TAS2R1: variants seen among roughly 807,000 people sequenced by gnomAD.
TAS2R1 encodes the protein taste receptor type 2 member 1.
For missense variants in TAS2R1, 370 were observed against 353.4 expected, an observed-to-expected ratio of 1.05 and a Z score of -0.38; for synonymous variants, 141 against 134.2, an observed-to-expected ratio of 1.05 and a Z score of -0.35.
chr5:9,695,665 G>C (rs1304842080), intron 1 of TAS2R1, among the ~76,000 whole-genome samples: 1 of 152,116 alleles, frequency 6.6e-6, no homozygotes, highest in East Asian at 1.9e-4. Context: ...CTCTACCCCT[G>C]AGGATGGCCT....
upstream of TAS2R1, among the ~76,000 whole-genome samples, chr5:9,716,305 G>A (rs1317176605): frequency 6.6e-6 from 1 of 152,138 alleles, no homozygotes; most frequent in Admixed American, 6.5e-5. Context: ...AAGCCAGCTA[G>A]CAGGACTCTG....
At chr5:9,639,637 G>A (rs1740032932) in intron 2 of TAS2R1, among the ~76,000 whole-genome samples, 1 of 152,204 alleles carries the variant, frequency 6.6e-6, no homozygotes, top group African/African-American at 2.4e-5. Context: ...GCCGTTCTCT[G>A]CCATCTTCCC....
rs139616873 is a variant in TAS2R1, at chr5:9,649,258, TTTC to T, written c.-81+10160_-81+10162del. On this transcript the variant is annotated intron_variant, in intron 2 of 2. Coordinates refer to the TAS2R1 transcript ENST00000506620. ...AGCAGTGTGTGAGATCAGCAGAATG[TTTC>T]TGAAAGCTAAGAGCTGTATTCAAAG... Among the ~76,000 whole-genome samples, 361 of 152,320 alleles carry T rather than the reference TTTC, an allele frequency of 2.4e-3. 1 individual carries two copies. Among genetic ancestry groups the T allele is most frequent in the African/African-American group, 8.3e-3 (344 of 41,578 alleles).
the TAS2R1 span, among the ~76,000 whole-genome samples, chr5:9,737,666 G>A: frequency 4.6e-5 from 7 of 152,160 alleles, no homozygotes; most frequent in East Asian, 5.8e-4. Context: ...TGGCAGTGTG[G>A]ACAAACAGAA....
the TAS2R1 span, among the ~76,000 whole-genome samples, chr5:9,780,482 A>G: frequency 1.3e-5 from 2 of 152,216 alleles, no homozygotes; most frequent in Non-Finnish European, 2.9e-5. Flanking sequence ...CTAATTCTAT[A>G]AGTGTCCTGG....
At chr5:9,871,199 G>C in the TAS2R1 span, among the ~76,000 whole-genome samples, 6 of 152,242 alleles carry the variant, frequency 3.9e-5, no homozygotes, top group African/African-American at 1.4e-4. Flanking sequence ...TTAAAAAGGA[G>C]AGAATTGGAT....
At chr5:9,638,606 G>A (rs1339362187) in intron 2 of TAS2R1, among the ~76,000 whole-genome samples, 2 of 152,204 alleles carry the variant, frequency 1.3e-5, no homozygotes, top group African/African-American at 2.4e-5. Flanking sequence ...AGTAGTAGCA[G>A]GGGGCTGTAA....
chr5:9,799,543 G>T, the TAS2R1 span, among the ~76,000 whole-genome samples: 1 of 152,100 alleles, frequency 6.6e-6, no homozygotes, highest in Non-Finnish European at 1.5e-5. Context: ...CAGAAATATT[G>T]AATTATTTCT....
chr5:9,629,370 AC>A (rs1561363603), downstream of TAS2R1: 2 of 1,614,044 alleles, frequency 1.2e-6, no homozygotes, highest in Non-Finnish European at 1.7e-6. Context: ...TGATGGGTGC[AC>A]CCCTGCCAGG....
At chr5:9,725,553 C>T in the TAS2R1 span, among the ~76,000 whole-genome samples, 1 of 152,198 alleles carries the variant, frequency 6.6e-6, no homozygotes, top group African/African-American at 2.4e-5. Context: ...GCTGCCTCCC[C>T]ACGGGGCAGG....
the TAS2R1 span, among the ~76,000 whole-genome samples, chr5:9,779,162 A>G: frequency 1.3e-5 from 2 of 152,244 alleles, no homozygotes; most frequent in African/African-American, 4.8e-5. Context: ...CTACAAGTTC[A>G]TGTGAGATCC....
At chr5:9,830,605 G>GCGCACA in the TAS2R1 span, among the ~76,000 whole-genome samples, 11,745 of 149,672 alleles carry the variant, frequency 0.078, 500 homozygotes, top group African/African-American at 0.12. Context: ...ACGTGCGCGC[G>GCGCACA]CACACACACA....
intron 2 of TAS2R1, among the ~76,000 whole-genome samples, chr5:9,639,703 T>C (rs915530429): frequency 5.9e-5 from 9 of 152,366 alleles, no homozygotes; most frequent in South Asian, 4.1e-4. Flanking sequence ...ACATAAGCAC[T>C]TGCTGCTTTA....
At chr5:9,702,512 A>C (rs1741509114) in intron 1 of TAS2R1, among the ~76,000 whole-genome samples, 1 of 152,142 alleles carries the variant, frequency 6.6e-6, no homozygotes, top group Non-Finnish European at 1.5e-5. Flanking sequence ...GATCCTTGAA[A>C]ATAAAAAGAA....
chr5:9,664,071 T>C (rs1740585718), intron 1 of TAS2R1, among the ~76,000 whole-genome samples: 1 of 152,168 alleles, frequency 6.6e-6, no homozygotes, highest in South Asian at 2.1e-4. Context: ...TTTTAAGTCA[T>C]GGAAGTTTGT....
At chr5:9,677,429 A>C (rs1260259025) in intron 1 of TAS2R1, among the ~76,000 whole-genome samples, 3 of 141,506 alleles carry the variant, frequency 2.1e-5, no homozygotes, top group Non-Finnish European at 4.6e-5. Context: ...AAAAAAGAGA[A>C]CCAAAAGACA....
At chr5:9,869,282 A>G in the TAS2R1 span, among the ~76,000 whole-genome samples, 3 of 152,190 alleles carry the variant, frequency 2.0e-5, no homozygotes, top group Non-Finnish European at 2.9e-5. Context: ...AAGGAAAGAG[A>G]TTTAATTGAC....
At chr5:9,800,327 A>T in the TAS2R1 span, among the ~76,000 whole-genome samples, 1 of 152,250 alleles carries the variant, frequency 6.6e-6, no homozygotes. Flanking sequence ...GGAATGAGAC[A>T]TATTTTCTAC....
At chr5:9,858,407 C>A in the TAS2R1 span, among the ~76,000 whole-genome samples, 4 of 152,146 alleles carry the variant, frequency 2.6e-5, no homozygotes, top group Non-Finnish European at 4.4e-5. Context: ...CTCTCCATGC[C>A]GTGCTGCCTG....
Sources: allele counts gnomAD v4.1 joint callset (sites outside exome capture counted in the v4.1 genomes callset), GRCh38; gene constraint gnomAD v4.1.1; transcripts MANE v1.5; gene names NCBI Gene and HGNC (gene_info 2026-07-23, HGNC 2026-07-21).